Variants in HGSNAT observed in about 807,000 individuals in gnomAD.
HGSNAT encodes heparan-alpha-glucosaminide N-acetyltransferase, also known as transmembrane protein 76.
HGSNAT carries 59 observed loss-of-function variants against 85.2 expected under a neutral mutation model. The ratio of observed to expected loss-of-function variants is 0.69; its 90% CI spans 0.56 to 0.86. The LOEUF (loss-of-function observed/expected upper bound fraction) is 0.86. Ranked by LOEUF, HGSNAT falls within the 40% of genes least tolerant of loss-of-function variation. The pLI, the probability that HGSNAT is intolerant of heterozygous loss-of-function variation, is 0.00. For synonymous variants in HGSNAT, 321 were observed against 304.5 expected, an observed-to-expected ratio of 1.05 and a Z score of -0.56; for missense variants, 756 against 777.1, an observed-to-expected ratio of 0.97 and a Z score of 0.32.
At chr8:43,196,648 A>G (rs1586756935) in intron 14 of HGSNAT, 2 of 759,328 alleles carry the variant, frequency 2.6e-6, no homozygotes, top group Admixed American at 2.3e-5. Flanking sequence ...CTGCTGCCCC[A>G]TTCTGCTCAG....
At chr8:43,161,392 A>G in intron 4 of HGSNAT, 46 bp from the exon 5 acceptor site, 2 of 1,463,708 alleles carry the variant, frequency 1.4e-6, no homozygotes, top group South Asian at 1.2e-5. Flanking sequence ...TTTGATGTTC[A>G]TGATGACATT....
chr8:43,183,574 C>G (rs1374200272), intron 11 of HGSNAT, among the ~76,000 whole-genome samples: 1 of 150,408 alleles, frequency 6.6e-6, no homozygotes, highest in African/African-American at 2.4e-5. Context: ...GGGTTCACGC[C>G]GTTCTCCTGT....
At chr8:43,164,237 C>T (rs187672434) in intron 5 of HGSNAT, among the ~76,000 whole-genome samples, 7 of 152,138 alleles carry the variant, frequency 4.6e-5, no homozygotes, top group Non-Finnish European at 1.0e-4. Flanking sequence ...GGCCATGTGT[C>T]GACACTTGTT....
rs1231317122 is a variant in HGSNAT at position 43,200,242 on chromosome 8, C to T, written c.*673C>T. Reference sequence around the variant, plus strand: ...TATCTGCCTGTCTGTCCATCATCTTCCTTCCTCCCTATCTCTGTGTATCTG... The same window carrying T: ...TATCTGCCTGTCTGTCCATCATCTTTCTTCCTCCCTATCTCTGTGTATCTG... On this transcript the variant is annotated 3_prime_UTR_variant, in exon 18 of 18. Coordinates refer to ENST00000379644, the MANE Select transcript of HGSNAT (RefSeq NM_152419.3). 2.6e-5 allele frequency: 4 copies of T among 152,270 alleles called. No individual in the cohort carries two copies. The highest frequency in any genetic ancestry group is 9.7e-5 in the African/African-American group (4 of 41,440). 9.4% of individuals were successfully genotyped at this position (152,270 alleles called of 1,614,324 possible).
intron 2 of HGSNAT, among the ~76,000 whole-genome samples, chr8:43,156,462 T>C (rs1473846518): frequency 6.6e-6 from 1 of 152,162 alleles, no homozygotes; most frequent in Non-Finnish European, 1.5e-5. Flanking sequence ...CCCACCACCA[T>C]GCCCAGCTAA....
At chr8:43,156,992 C>T (rs2130709682) in intron 2 of HGSNAT, among the ~76,000 whole-genome samples, 1 of 152,174 alleles carries the variant, frequency 6.6e-6, no homozygotes, top group Admixed American at 6.5e-5. Context: ...CAGCAGAATA[C>T]ATTTTTGAAT....
chr8:43,189,390 T>C lies in HGSNAT; in HGVS notation c.1129-2084T>C, dbSNP rs576448331. Among the ~76,000 whole-genome samples the C allele has an allele frequency of 2.2e-4, 34 of 152,256 alleles. No homozygotes were observed. The South Asian group carries it at 2.3e-3, about 10-fold the overall frequency. ...CTTGCAGTTTGATCTCAGACTGCTG[T>C]GCTAGCAATGAGTAAGGTTCTGTGG... On this transcript the variant is annotated intron_variant, in intron 11 of 17. Coordinates refer to ENST00000379644, the MANE Select transcript of HGSNAT (RefSeq NM_152419.3).
intron 8 of HGSNAT, among the ~76,000 whole-genome samples, chr8:43,172,652 C>T (rs1326655213): frequency 6.6e-6 from 1 of 152,152 alleles, no homozygotes; most frequent in African/African-American, 2.4e-5. Context: ...GACTGAGGGA[C>T]TCTGCAGAAT....
Position 43,158,438 on chromosome 8 carries a change from T to G in HGSNAT, c.235-137T>G, listed in dbSNP as rs1253156851. 8 of 856,440 alleles carry G rather than the reference T, an allele frequency of 9.3e-6. No homozygotes were observed. In the African/African-American group the frequency reaches 1.4e-4, roughly 15 times the overall value. 53.1% of individuals were successfully genotyped at this position (856,440 alleles called of 1,614,324 possible). A position where few individuals can be genotyped will look rare whatever the true frequency, so the allele number is the denominator to read the frequency against. On this transcript the variant is annotated intron_variant, in intron 2 of 17. Transcript: ENST00000379644. ...TACAAAATAATAGGTAAATTTAAAT[T>G]ATTGAAATGTAGAGGTTTTTTTATA... is the stretch of plus-strand genomic sequence containing the variant.
intron 4 of HGSNAT, among the ~76,000 whole-genome samples, chr8:43,159,683 C>G (rs1803209337): frequency 6.6e-6 from 1 of 152,138 alleles, no homozygotes; most frequent in South Asian, 2.1e-4. Context: ...TGGAAAGAAA[C>G]TAGAAATAGG....
chr8:43,141,879 G>T (rs967097838), intron 1 of HGSNAT, among the ~76,000 whole-genome samples: 10 of 152,070 alleles, frequency 6.6e-5, no homozygotes, highest in Non-Finnish European at 1.2e-4. Context: ...GCATTTTAGC[G>T]CCAGTATTAG....
intron 2 of HGSNAT, among the ~76,000 whole-genome samples, chr8:43,158,064 T>C (rs983698972): frequency 7.2e-5 from 11 of 152,186 alleles, no homozygotes; most frequent in Admixed American, 2.0e-4. Context: ...CCTATGAAGA[T>C]TGTACAATTC....
intron 9 of HGSNAT, among the ~76,000 whole-genome samples, chr8:43,175,813 T>C (rs1472328596): frequency 1.3e-5 from 2 of 152,084 alleles, no homozygotes; most frequent in African/African-American, 4.8e-5. Flanking sequence ...GTAATCTGCC[T>C]GCCTTGGCCT....
intron 9 of HGSNAT, chr8:43,174,216 C>CAAAAAAAAAAAAA (rs766928181): frequency 8.9e-6 from 1 of 111,804 alleles, no homozygotes; most frequent in African/African-American, 3.4e-5. Context: ...GACTTCATCT[C>CAAAAAAAAAAAAA]AAAAAAAAAA....
At position 43,140,652 on chromosome 8, in the gene HGSNAT, G is replaced by T. The variant is rs770444926; in HGVS notation, c.118+38G>T. The T allele has an allele frequency of 8.4e-6, 9 of 1,069,186 alleles. No homozygotes were observed. The South Asian group carries it at 1.3e-4, about 16-fold the overall frequency. 66.2% of individuals were successfully genotyped at this position (1,069,186 alleles called of 1,614,324 possible). A position where few individuals can be genotyped will look rare whatever the true frequency, so the allele number is the denominator to read the frequency against. ...CTCCTACCGCCGCCCGGCCGGCTACGAGCGCAGCGTCTCCTCTCCGCGGCG... is the reference window on the plus strand; with the variant it reads ...CTCCTACCGCCGCCCGGCCGGCTACTAGCGCAGCGTCTCCTCTCCGCGGCG... On this transcript the variant is annotated intron_variant, in intron 1 of 17. Transcript: ENST00000379644.
chr8:43,188,716 G>A (rs1032472781), intron 11 of HGSNAT, among the ~76,000 whole-genome samples: 6 of 152,240 alleles, frequency 3.9e-5, no homozygotes, highest in Non-Finnish European at 7.3e-5. Context: ...CTTTGGAGGA[G>A]AAGAGGCGCT....
Position 43,158,593 on chromosome 8 carries a change from G to T in HGSNAT, c.253G>T (p.Val85Leu), listed in dbSNP as rs1185589534. 6.2e-7 allele frequency: 1 copy of T among 1,613,908 alleles called. No individual in the cohort carries two copies. Among genetic ancestry groups the T allele is most frequent in the Middle Eastern group, 1.6e-4 (1 of 6,062 alleles). The change falls in exon 3 of 18, where the codon GTA (valine) becomes TTA (leucine). Residue 85 changes from valine to leucine, a missense_variant. Val to Leu is a conservative substitution (Grantham distance 32). Transcript: ENST00000379644. ...TTTACAGTGCTTGTTTCAGGTTCTGGTAAACGTTCCTCAGAGTCCAAAAGC... is the reference window on the plus strand; with the variant it reads ...TTTACAGTGCTTGTTTCAGGTTCTGTTAAACGTTCCTCAGAGTCCAAAAGC... ...CCYHCLFQVL[V>L]NVPQSPKAGK...
intron 2 of HGSNAT, among the ~76,000 whole-genome samples, chr8:43,150,247 C>G (rs909800367): frequency 5.9e-5 from 9 of 152,082 alleles, no homozygotes; most frequent in African/African-American, 2.2e-4. Flanking sequence ...GCCACCGCGC[C>G]TGGCCAACAT....
In HGSNAT at chr8:43,163,258, A is replaced by G. The variant is rs575216125; in HGVS notation, c.563+1751A>G. 2.0e-5 allele frequency among the ~76,000 whole-genome samples: 3 copies of G among 152,150 alleles called. No homozygotes were observed. In the East Asian group the frequency reaches 5.8e-4, roughly 29 times the overall value. ...AGAGATTCCACCTTGCCCCATGTGG[A>G]ACTGAAACTACTCTTTGCACATGAT... is the stretch of plus-strand genomic sequence containing the variant. On this transcript the variant is annotated intron_variant, in intron 5 of 17. Coordinates refer to ENST00000379644, the MANE Select transcript of HGSNAT (RefSeq NM_152419.3).
Sources: allele counts gnomAD v4.1 joint callset (sites outside exome capture counted in the v4.1 genomes callset), GRCh38; gene constraint gnomAD v4.1.1; transcripts MANE v1.5; gene names NCBI Gene and HGNC (gene_info 2026-07-23, HGNC 2026-07-21).